EVI5: variants seen among roughly 807,000 people sequenced by gnomAD.
The protein encoded by EVI5 is ecotropic viral integration site 5, also known as ecotropic viral integration site 5 protein homolog.
A neutral mutation model predicts 112.0 loss-of-function variants in EVI5; 73 were observed. The observed-to-expected ratio is 0.65, with a 90% CI of 0.54 to 0.79. The LOEUF (loss-of-function observed/expected upper bound fraction) is 0.79. Among genes scored for constraint, EVI5 ranks in the 30% least tolerant of loss-of-function variants. The pLI is 0.00. For synonymous variants in EVI5, 305 were observed against 319.9 expected, an observed-to-expected ratio of 0.95 and a Z score of 0.50; for missense variants, 900 against 968.8, an observed-to-expected ratio of 0.93 and a Z score of 0.94.
At chr1:92,723,771 T>C (rs896406357) in intron 2 of EVI5, among the ~76,000 whole-genome samples, 37 of 152,334 alleles carry the variant, frequency 2.4e-4, no homozygotes, top group Non-Finnish European at 1.0e-4. Flanking sequence ...GAGCCATATT[T>C]TTCTTCTTGC....
At chr1:92,527,990 A>C (rs4970712) in intron 19 of EVI5, among the ~76,000 whole-genome samples, 129,635 of 152,190 alleles carry the variant, frequency 0.85, 55,594 homozygotes, top group East Asian at 0.97. Context: ...ACTTCTGCGT[A>C]ATAAAGAAGA....
intron 10 of EVI5, among the ~76,000 whole-genome samples, chr1:92,667,838 A>G (rs1050866330): frequency 1.3e-5 from 2 of 152,048 alleles, no homozygotes; most frequent in African/African-American, 4.8e-5. Flanking sequence ...GATGGTCTTG[A>G]TCTCCTGACC....
intron 2 of EVI5, among the ~76,000 whole-genome samples, chr1:92,712,248 GAAGAC>G (rs552216750): frequency 4.3e-4 from 66 of 152,060 alleles, no homozygotes; most frequent in Non-Finnish European, 8.5e-4. Context: ...AGAATTCAGA[GAAGAC>G]ACAAGGAATT....
At chr1:92,549,237 A>T (rs951751872) in intron 19 of EVI5, among the ~76,000 whole-genome samples, 8 of 152,244 alleles carry the variant, frequency 5.3e-5, no homozygotes, top group African/African-American at 1.9e-4. Context: ...GACAAAAACA[A>T]GAAATGGGGA....
chr1:92,624,399 G>A lies in EVI5; in HGVS notation c.1669-65C>T, dbSNP rs1253379401. On this transcript the variant is annotated intron_variant, in intron 15 of 19. Coordinates refer to ENST00000684568, the MANE Select transcript of EVI5 (RefSeq NM_001350197.2). ...TATCAAAATAAGAGCTAATATTACTGAGCGCTTATTTCAGGCCTGTGATAT... is the reference window on the plus strand; with the variant it reads ...TATCAAAATAAGAGCTAATATTACTAAGCGCTTATTTCAGGCCTGTGATAT... 25 of 1,335,446 alleles carry A rather than the reference G, an allele frequency of 1.9e-5. No homozygotes were observed. In the Admixed American group the frequency reaches 4.6e-4, roughly 25 times the overall value. The allele number at this position is 1,335,446 out of a possible 1,614,324, so 82.7% of individuals were successfully genotyped here.
At chr1:92,636,397 A>G (rs946035242) in intron 13 of EVI5, 61 bp from the exon 14 acceptor site, 1 of 1,384,094 alleles carries the variant, frequency 7.2e-7, no homozygotes. Flanking sequence ...ATACAATAAA[A>G]ACAATGCAAC....
intron 16 of EVI5, among the ~76,000 whole-genome samples, chr1:92,608,660 C>T (rs533393956): frequency 3.2e-4 from 48 of 150,386 alleles, no homozygotes; most frequent in South Asian, 8.4e-4. Context: ...GCTGAGATCA[C>T]ACAACTGCAC....
intron 2 of EVI5, among the ~76,000 whole-genome samples, chr1:92,730,949 A>G (rs576727709): frequency 7.8e-4 from 118 of 152,240 alleles, no homozygotes; most frequent in African/African-American, 2.7e-3. Flanking sequence ...ATCTAATGGA[A>G]TCTAGACAAA....
chr1:92,627,663 G>A (rs1042898391), intron 14 of EVI5, among the ~76,000 whole-genome samples: 1 of 152,038 alleles, frequency 6.6e-6, no homozygotes, highest in Non-Finnish European at 1.5e-5. Context: ...AGTGTTCCCT[G>A]TTCATTGCAT....
chr1:92,572,455 T>G (rs1478208816), intron 18 of EVI5, among the ~76,000 whole-genome samples: 1 of 152,158 alleles, frequency 6.6e-6, no homozygotes, highest in Admixed American at 6.5e-5. Context: ...TCATCCCCTC[T>G]TTCCTCCTAT....
rs200580305 is a variant in EVI5 at position 92,586,026 on chromosome 1, ATCTG to A, written c.2070+19277_2070+19280del. 7.2e-5 allele frequency among the ~76,000 whole-genome samples: 11 copies of A among 152,256 alleles called. No individual in the cohort carries two copies. The East Asian group carries it at 2.1e-3, about 29-fold the overall frequency. ...ATTTTGTAAGATCTCCACAAGGGGA[ATCTG>A]TCTGATAGTTTTCTCATGGTAAGAC... On this transcript the variant is annotated intron_variant, in intron 18 of 19. Coordinates refer to ENST00000684568, the MANE Select transcript of EVI5 (RefSeq NM_001350197.2).
chr1:92,527,414 C>CAAAAAAAAAAAAAAAAAA (rs763348201), intron 19 of EVI5, among the ~76,000 whole-genome samples: 1 of 18,658 alleles, frequency 5.4e-5, no homozygotes, highest in Non-Finnish European at 1.1e-4. Flanking sequence ...GACACTGTCT[C>CAAAAAAAAAAAAAAAAAA]AAAAAAAAAA....
intron 19 of EVI5, among the ~76,000 whole-genome samples, chr1:92,549,272 T>C (rs1318925758): frequency 6.6e-6 from 1 of 152,148 alleles, no homozygotes; most frequent in African/African-American, 2.4e-5. Flanking sequence ...TAATAAATGG[T>C]GCTGGGAAAA....
chr1:92,673,821 A>G (rs986012268), intron 10 of EVI5, among the ~76,000 whole-genome samples: 1 of 152,232 alleles, frequency 6.6e-6, no homozygotes, highest in African/African-American at 2.4e-5. Flanking sequence ...AAAATATTTA[A>G]AAGTCGCATC....
At chr1:92,662,559 AC>A (rs1664204795) in intron 13 of EVI5, among the ~76,000 whole-genome samples, 159 bp downstream of exon 13, 1 of 152,172 alleles carries the variant, frequency 6.6e-6, no homozygotes, top group African/African-American at 2.4e-5. Flanking sequence ...CCACAATAAG[AC>A]CCCTAAATAT....
At chr1:92,579,206 T>A (rs1385732707) in intron 18 of EVI5, among the ~76,000 whole-genome samples, 1 of 152,232 alleles carries the variant, frequency 6.6e-6, no homozygotes, top group Non-Finnish European at 1.5e-5. Context: ...TAGCATTGGA[T>A]GATCAGATGG....
At chr1:92,594,482 A>G (rs1481029599) in intron 18 of EVI5, among the ~76,000 whole-genome samples, 2 of 150,588 alleles carry the variant, frequency 1.3e-5, no homozygotes, top group African/African-American at 4.9e-5. Context: ...AACCTAGGCA[A>G]TACCATTCAG....
chr1:92,588,719 T>TA (rs1466647284), intron 18 of EVI5, among the ~76,000 whole-genome samples: 1 of 152,250 alleles, frequency 6.6e-6, no homozygotes, highest in Non-Finnish European at 1.5e-5. Flanking sequence ...GACAGGCACA[T>TA]AGTAAGTACC....
At chr1:92,710,683 C>T (rs1292746252) in intron 2 of EVI5, among the ~76,000 whole-genome samples, 1 of 151,330 alleles carries the variant, frequency 6.6e-6, no homozygotes. Flanking sequence ...ACAGGTTTCT[C>T]TTAGAGTAGC....
Sources: gnomAD v4.1 joint callset for allele counts (sites outside exome capture counted in the v4.1 genomes callset) on GRCh38, gnomAD v4.1.1 for gene constraint, MANE v1.5 for transcripts, NCBI Gene and HGNC (gene_info 2026-07-23, HGNC 2026-07-21) for gene names.